Variants in SCHIP1 observed in about 807,000 individuals in gnomAD.
SCHIP1 encodes the protein schwannomin interacting protein 1, also known as schwannomin-interacting protein 1.
Under a neutral mutation model 29.7 loss-of-function variants are expected in SCHIP1, and 8 were observed. The observed-to-expected ratio is 0.27, with a 90% CI of 0.16 to 0.49. SCHIP1 has a LOEUF of 0.49. Among genes scored for constraint, SCHIP1 ranks in the 20% least tolerant of loss-of-function variants. SCHIP1 has a pLI of 0.99. For synonymous variants in SCHIP1, 76 were observed against 94.9 expected (o/e 0.80, Z 1.16); for missense variants, 193 against 294.6 (o/e 0.66, Z 2.52).
intron 2 of SCHIP1, among the ~76,000 whole-genome samples, chr3:159,881,169 A>C (rs1310017487): frequency 6.6e-6 from 1 of 152,250 alleles, no homozygotes; most frequent in Non-Finnish European, 1.5e-5. Flanking sequence ...TTGTTTCTTC[A>C]TGACAGATTC....
the SCHIP1 span, among the ~76,000 whole-genome samples, chr3:159,359,907 C>T: frequency 6.6e-6 from 1 of 152,208 alleles, no homozygotes; most frequent in Non-Finnish European, 1.5e-5. Flanking sequence ...TTATTGCAAA[C>T]AGCAGGCCTG....
the SCHIP1 span, among the ~76,000 whole-genome samples, chr3:159,694,668 A>T: frequency 2.2e-4 from 33 of 152,356 alleles, 1 homozygote; most frequent in Middle Eastern, 3.4e-3. Flanking sequence ...AATAATCCAA[A>T]TCCCCTAAAT....
At chr3:159,787,081 C>A in the SCHIP1 span, among the ~76,000 whole-genome samples, 1 of 152,068 alleles carries the variant, frequency 6.6e-6, no homozygotes, top group Non-Finnish European at 1.5e-5. Context: ...TTTTTGTCCT[C>A]TCAACAAACT....
chr3:159,741,779 C>T, the SCHIP1 span, among the ~76,000 whole-genome samples: 1 of 152,182 alleles, frequency 6.6e-6, no homozygotes, highest in Non-Finnish European at 1.5e-5. Flanking sequence ...GCAGAGGTGG[C>T]AACCCCAAAC....
At chr3:159,353,113 A>T in the SCHIP1 span, among the ~76,000 whole-genome samples, 97 of 152,184 alleles carry the variant, frequency 6.4e-4, 1 homozygote, top group Middle Eastern at 6.8e-3. Flanking sequence ...GTTAGGGCTT[A>T]GTTATAAAAC....
At chr3:159,377,425 A>G in the SCHIP1 span, among the ~76,000 whole-genome samples, 9 of 152,194 alleles carry the variant, frequency 5.9e-5, no homozygotes, top group Admixed American at 4.6e-4. Context: ...TTTGCAAATG[A>G]TTTGTTGTAA....
chr3:159,504,226 A>T, the SCHIP1 span, among the ~76,000 whole-genome samples: 1 of 152,314 alleles, frequency 6.6e-6, no homozygotes, highest in East Asian at 1.9e-4. Context: ...CTGTTATAGG[A>T]AACATTAAGT....
chr3:159,623,010 G>A, the SCHIP1 span, among the ~76,000 whole-genome samples: 3 of 152,186 alleles, frequency 2.0e-5, no homozygotes, highest in Non-Finnish European at 4.4e-5. Context: ...AATGTTTGTT[G>A]TAGTGTCATC....
the SCHIP1 span, among the ~76,000 whole-genome samples, chr3:159,695,325 A>T: frequency 6.6e-6 from 1 of 152,140 alleles, no homozygotes; most frequent in South Asian, 2.1e-4. Context: ...ACAGGCTTTC[A>T]TCTTACATTC....
the SCHIP1 span, among the ~76,000 whole-genome samples, chr3:159,623,718 C>A: frequency 2.0e-5 from 3 of 152,164 alleles, no homozygotes; most frequent in African/African-American, 7.2e-5. Context: ...CAGGTGCAGG[C>A]TGTAGGGTAC....
chr3:159,444,425 C>A, the SCHIP1 span, among the ~76,000 whole-genome samples: 1 of 151,872 alleles, frequency 6.6e-6, no homozygotes, highest in Non-Finnish European at 1.5e-5. Context: ...AGGATTGTCC[C>A]TGGAGAAATG....
the SCHIP1 span, among the ~76,000 whole-genome samples, chr3:159,758,431 G>A: frequency 5.9e-5 from 9 of 152,328 alleles, no homozygotes; most frequent in African/African-American, 1.4e-4. Flanking sequence ...GATTACAGGC[G>A]TGAGCCACCA....
chr3:159,788,708 A>G, the SCHIP1 span, among the ~76,000 whole-genome samples: 2 of 152,200 alleles, frequency 1.3e-5, no homozygotes, highest in African/African-American at 2.4e-5. Flanking sequence ...CACTGAGCAT[A>G]CAGTGCTAAA....
At chr3:159,274,141 G>A in the SCHIP1 span, 543,883 of 983,782 alleles carry the variant, frequency 0.55, 151,411 homozygotes, top group Non-Finnish European at 0.56. Flanking sequence ...TTTTTGTAGT[G>A]CACCAAAACT....
chr3:159,391,526 T>G, the SCHIP1 span, among the ~76,000 whole-genome samples: 4 of 152,208 alleles, frequency 2.6e-5, no homozygotes, highest in African/African-American at 9.6e-5. Context: ...TTACAATGTA[T>G]ATCTGTATAA....
chr3:159,296,960 A>G, the SCHIP1 span, among the ~76,000 whole-genome samples: 5 of 152,052 alleles, frequency 3.3e-5, no homozygotes, highest in East Asian at 9.6e-4. Context: ...CTATCGTTCT[A>G]CTGTCTACTT....
the SCHIP1 span, among the ~76,000 whole-genome samples, chr3:159,412,300 T>A: frequency 6.6e-6 from 1 of 152,348 alleles, no homozygotes; most frequent in East Asian, 1.9e-4. Context: ...TTAGACTGCA[T>A]CTTTTGTTAT....
At chr3:159,768,769 G>A in the SCHIP1 span, among the ~76,000 whole-genome samples, 1 of 152,152 alleles carries the variant, frequency 6.6e-6, no homozygotes, top group African/African-American at 2.4e-5. Flanking sequence ...CCAGCACCTG[G>A]TCCAGCCCTC....
the SCHIP1 span, among the ~76,000 whole-genome samples, chr3:159,364,807 T>C: frequency 6.6e-6 from 1 of 152,196 alleles, no homozygotes; most frequent in African/African-American, 2.4e-5. Context: ...TGGGAATTGA[T>C]GTGGCCCTTT....
Sources: allele counts gnomAD v4.1 joint callset (sites outside exome capture counted in the v4.1 genomes callset), GRCh38; gene constraint gnomAD v4.1.1; transcripts MANE v1.5; gene names NCBI Gene and HGNC (gene_info 2026-07-23, HGNC 2026-07-21).